The following PCDHA1 variants were observed in gnomAD, a reference collection of about 807,000 sequenced individuals.
PCDHA1 encodes the protein protocadherin alpha-1.
A neutral mutation model predicts 61.3 loss-of-function variants in PCDHA1; 42 were observed. That is an observed-to-expected ratio of 0.69 (90% confidence interval 0.54 to 0.89). The LOEUF is 0.89. PCDHA1 is among the 40% of genes least tolerant of loss of function. PCDHA1 has a pLI of 0.00. For missense variants in PCDHA1, 1,256 were observed against 1,235.3 expected (o/e 1.02, Z -0.25); for synonymous variants, 610 against 553.8 (o/e 1.10, Z -1.43).
intron 1 of PCDHA1, chr5:140,883,418 C>T: frequency 6.2e-7 from 1 of 1,614,172 alleles, no homozygotes; most frequent in Non-Finnish European, 8.5e-7. Flanking sequence ...CTCAAATGGA[C>T]AGGTCACCTG....
chr5:140,927,099 T>C (rs782352775), intron 1 of PCDHA1: 1 of 1,613,434 alleles, frequency 6.2e-7, no homozygotes, highest in Non-Finnish European at 8.5e-7. Context: ...TCGGGGTGGA[T>C]CTACCCAGCG....
At chr5:140,976,423 T>C (rs1378184646) in intron 1 of PCDHA1, among the ~76,000 whole-genome samples, 22 of 151,886 alleles carry the variant, frequency 1.4e-4, no homozygotes, top group Admixed American at 1.3e-3. Context: ...CGGTGGCAGA[T>C]GCCTGTAATC....
At chr5:140,873,725 A>G (rs1235492447) in intron 1 of PCDHA1, among the ~76,000 whole-genome samples, 7 of 152,112 alleles carry the variant, frequency 4.6e-5, no homozygotes, top group Non-Finnish European at 7.4e-5. Context: ...CAGTGGCGCA[A>G]TCTCAGCTCA....
At chr5:140,801,714 G>C (rs1762768338) in intron 1 of PCDHA1, 1 of 1,614,128 alleles carries the variant, frequency 6.2e-7, no homozygotes, top group East Asian at 2.2e-5. Context: ...TTACAGTCTT[G>C]ATTCCACTGA....
rs372003164 is a variant in PCDHA1 at position 140,788,002 on chromosome 5, G to T, written c.1712G>T (p.Gly571Val). 1.2e-6 allele frequency: 2 copies of T among 1,613,916 alleles called. No homozygotes were observed. The highest frequency in any genetic ancestry group is 2.7e-5 in the African/African-American group (2 of 74,940). Residue 571 changes from glycine to valine, a missense_variant, in exon 1 of 4, where the codon GGT becomes GTT. Coordinates refer to ENST00000504120, the MANE Select transcript of PCDHA1 (RefSeq NM_018900.4). ...CCGGCGCTGCTGGCGCCTCGAGTGGGTGGCACTATTGGTGCAGTCAGTGAG... is the reference window on the plus strand; with the variant it reads ...CCGGCGCTGCTGGCGCCTCGAGTGGTTGGCACTATTGGTGCAGTCAGTGAG... ...NAPALLAPRVGGTIGAVSELV... is the reference protein window; with the variant it reads ...NAPALLAPRVVGTIGAVSELV...
Position 140,824,208 on chromosome 5 carries a change from T to A in PCDHA1, c.2394+35524T>A, listed in dbSNP as rs1554129802. ...GTCACATTCACCCACTTTTTTTGTA[T>A]TTAAAAATTATGTCTTAGTACACAA... On this transcript the variant is annotated intron_variant, in intron 1 of 3. Transcript: ENST00000504120. 4 of 1,587,540 alleles carry A rather than the reference T, an allele frequency of 2.5e-6. No homozygotes were observed. In the Admixed American group the frequency reaches 6.7e-5, roughly 27 times the overall value.
At chr5:140,944,928 C>A (rs1554216614) in intron 1 of PCDHA1, among the ~76,000 whole-genome samples, 1 of 152,074 alleles carries the variant, frequency 6.6e-6, no homozygotes, top group Non-Finnish European at 1.5e-5. Flanking sequence ...TTGGTTTATG[C>A]CTTCTTTAGA....
intron 1 of PCDHA1, chr5:140,848,908 A>C: frequency 6.2e-7 from 1 of 1,600,388 alleles, no homozygotes; most frequent in Non-Finnish European, 8.5e-7. Flanking sequence ...GCGACACAAA[A>C]GAATCTGTTC....
chr5:140,881,453 C>T (rs554262236), intron 1 of PCDHA1: 48 of 714,052 alleles, frequency 6.7e-5, no homozygotes, highest in Admixed American at 6.2e-5. Context: ...GAATCCAAAA[C>T]CTTAGAGCAT....
intron 1 of PCDHA1, among the ~76,000 whole-genome samples, chr5:140,789,214 C>T (rs1761516786): frequency 6.6e-6 from 1 of 152,108 alleles, no homozygotes; most frequent in Non-Finnish European, 1.5e-5. Flanking sequence ...CTTTGGGAGG[C>T]CGAGGAGGGC....
At chr5:140,950,821 G>T (rs1361371532) in intron 1 of PCDHA1, among the ~76,000 whole-genome samples, 8 of 152,020 alleles carry the variant, frequency 5.3e-5, no homozygotes, top group Non-Finnish European at 4.4e-5. Context: ...TAGGGTTAAA[G>T]TTTGGTCCTT....
At chr5:140,960,515 A>G (rs1445432467) in intron 1 of PCDHA1, among the ~76,000 whole-genome samples, 1 of 152,182 alleles carries the variant, frequency 6.6e-6, no homozygotes, top group Non-Finnish European at 1.5e-5. Flanking sequence ...AGCAAACATA[A>G]TGGGTATAGG....
chr5:140,873,776 T>C (rs1001856431), intron 1 of PCDHA1, among the ~76,000 whole-genome samples: 13 of 152,208 alleles, frequency 8.5e-5, no homozygotes, highest in Non-Finnish European at 1.9e-4. Context: ...TTCTCCTGCC[T>C]CAGCTTTCCG....
intron 1 of PCDHA1, chr5:140,823,585 G>A: frequency 6.2e-7 from 1 of 1,614,018 alleles, no homozygotes; most frequent in Non-Finnish European, 8.5e-7. Flanking sequence ...GGGCTACAAC[G>A]CTTGGCTTTC....
chr5:140,857,727 AC>A, intron 1 of PCDHA1: 1 of 1,597,294 alleles, frequency 6.3e-7, no homozygotes, highest in Non-Finnish European at 8.6e-7. Context: ...GAGAACGACA[AC>A]GCTCCCGCGC....
intron 1 of PCDHA1, chr5:140,876,435 C>A (rs1380633697): frequency 1.9e-6 from 3 of 1,613,852 alleles, no homozygotes; most frequent in Non-Finnish European, 1.7e-6. Context: ...TTCAGGTTAA[C>A]GCCATTGATA....
chr5:140,956,809 T>C (rs868918745), intron 1 of PCDHA1, among the ~76,000 whole-genome samples: 2 of 152,198 alleles, frequency 1.3e-5, no homozygotes, highest in Non-Finnish European at 1.5e-5. Flanking sequence ...TATTTATTAT[T>C]GCTTCAATTT....
At chr5:140,974,712 G>C (rs999445044) in intron 1 of PCDHA1, among the ~76,000 whole-genome samples, 1 of 152,076 alleles carries the variant, frequency 6.6e-6, no homozygotes, top group African/African-American at 2.4e-5. Flanking sequence ...TGTTGTTCAA[G>C]CTGCTCTCGA....
intron 1 of PCDHA1, chr5:140,808,058 T>A: frequency 3.7e-6 from 6 of 1,613,892 alleles, no homozygotes; most frequent in Non-Finnish European, 5.1e-6. Flanking sequence ...AAATGTGAAA[T>A]CCAAGTTTCA....
Sources: gnomAD v4.1 joint callset for allele counts (sites outside exome capture counted in the v4.1 genomes callset) on GRCh38, gnomAD v4.1.1 for gene constraint, MANE v1.5 for transcripts, NCBI Gene and HGNC (gene_info 2026-07-23, HGNC 2026-07-21) for gene names.